Variants in DTNA observed in about 807,000 individuals in gnomAD.
DTNA encodes the protein dystrophin-related protein 3.
In DTNA, 43 loss-of-function variants were observed where a neutral mutation model predicts 100.7. That is an observed-to-expected ratio of 0.43 (90% CI 0.33 to 0.55). DTNA has a LOEUF of 0.55. Among genes scored for constraint, DTNA ranks in the 20% least tolerant of loss-of-function variants. The pLI, the probability that DTNA is intolerant of heterozygous loss-of-function variation, is 0.04. For synonymous variants in DTNA, 349 were observed against 347.9 expected (o/e 1.00, Z -0.04); for missense variants, 798 against 953.9 (o/e 0.84, Z 2.15).
In DTNA at chr18:34,719,066, G is replaced by A. The variant is rs28744682; in HGVS notation, c.-2+8621G>A. 6.1e-3 allele frequency among the ~76,000 whole-genome samples: 925 copies of A among 152,108 alleles called. 11 individuals are homozygous for A. The highest frequency in any genetic ancestry group is 0.021 in the African/African-American group (878 of 41,494). Reference sequence around the variant, plus strand: ...GTAGTGGTGGGATGCAGTGGCTCACGTCTGTAATCCCAGTACTTTGGGAGG... The same window carrying A: ...GTAGTGGTGGGATGCAGTGGCTCACATCTGTAATCCCAGTACTTTGGGAGG... On this transcript the variant is annotated intron_variant, in intron 1 of 22. Coordinates refer to ENST00000444659, the MANE Select transcript of DTNA (RefSeq NM_001386795.1).
At chr18:34,546,308 T>G (rs1053896431) in intron 1 of DTNA, among the ~76,000 whole-genome samples, 1 of 152,100 alleles carries the variant, frequency 6.6e-6, no homozygotes, top group Non-Finnish European at 1.5e-5. Context: ...CTGAACACCT[T>G]ATGTTCATTC....
chr18:34,534,638 C>T lies in DTNA; in HGVS notation c.-2+41124C>T, dbSNP rs909589298. On this transcript the variant is annotated intron_variant, in intron 1 of 19. Transcript: ENST00000283365. ...TGGTATTTGTCCTAATGCTCTCCCTCCTCTTCCCTCCAACCCCCCTACAGG... is the reference window on the plus strand; with the variant it reads ...TGGTATTTGTCCTAATGCTCTCCCTTCTCTTCCCTCCAACCCCCCTACAGG... Among the ~76,000 whole-genome samples, 7 of 152,104 alleles carry T rather than the reference C, an allele frequency of 4.6e-5. No individual in the cohort carries two copies. The East Asian group carries it at 9.7e-4, about 21-fold the overall frequency.
At position 34,647,324 on chromosome 18, in the gene DTNA, G is replaced by A. The variant is rs569498850; in HGVS notation, c.-1-108652G>A. Reference sequence around the variant, plus strand: ...GCTTTCCTCTATGTGATGATTCACAGAACCAGGCCCATTTCATCTCAAAGC... The same window carrying A: ...GCTTTCCTCTATGTGATGATTCACAAAACCAGGCCCATTTCATCTCAAAGC... On this transcript the variant is annotated intron_variant, in intron 1 of 19. Coordinates refer to the DTNA transcript ENST00000283365. Among the ~76,000 whole-genome samples the A allele has an allele frequency of 3.9e-5, 6 of 152,256 alleles. No individual in the cohort carries two copies. In the East Asian group the frequency reaches 1.2e-3, roughly 29 times the overall value.
At chr18:34,866,875 CTTT>C in intron 17 of DTNA, 1 of 895,026 alleles carries the variant, frequency 1.1e-6, no homozygotes, top group Non-Finnish European at 1.4e-6. Context: ...TCATTACATA[CTTT>C]TTTTTTTTTC....
chr18:34,782,410 T>C (rs1370118318), intron 3 of DTNA, among the ~76,000 whole-genome samples: 1 of 152,174 alleles, frequency 6.6e-6, no homozygotes, highest in Non-Finnish European at 1.5e-5. Context: ...TAATTCCAAT[T>C]ATGGAATGAT....
At chr18:34,537,528 A>T (rs903236451) in intron 1 of DTNA, among the ~76,000 whole-genome samples, 4 of 152,016 alleles carry the variant, frequency 2.6e-5, no homozygotes, top group Admixed American at 1.3e-4. Context: ...GCAAAAAAAA[A>T]AGCACATTTA....
At chr18:34,529,126 G>A (rs2042913569) in intron 1 of DTNA, among the ~76,000 whole-genome samples, 1 of 152,086 alleles carries the variant, frequency 6.6e-6, no homozygotes, top group Admixed American at 6.6e-5. Flanking sequence ...AAGGATATAA[G>A]AGACATTAAA....
intron 1 of DTNA, among the ~76,000 whole-genome samples, chr18:34,751,978 G>T (rs2092358518): frequency 6.6e-6 from 1 of 152,188 alleles, no homozygotes; most frequent in Non-Finnish European, 1.5e-5. Context: ...CATATGTCCT[G>T]TATAATTTGT....
intron 20 of DTNA, among the ~76,000 whole-genome samples, chr18:34,881,012 CT>C (rs2096866581): frequency 6.6e-6 from 1 of 152,190 alleles, no homozygotes; most frequent in African/African-American, 2.4e-5. Flanking sequence ...CCACCCTAAT[CT>C]GCTAGCCCTG....
intron 1 of DTNA, among the ~76,000 whole-genome samples, chr18:34,594,490 C>T (rs375294802): frequency 1.9e-4 from 29 of 152,260 alleles, no homozygotes; most frequent in Middle Eastern, 6.8e-3. Context: ...AATCTGCTGA[C>T]GCTGTTATTA....
At chr18:34,758,079 C>T (rs536951451) in intron 2 of DTNA, among the ~76,000 whole-genome samples, 1 of 152,180 alleles carries the variant, frequency 6.6e-6, no homozygotes, top group East Asian at 1.9e-4. Context: ...GACTGTCATA[C>T]AAAAGAGAAA....
chr18:34,516,714 G>A (rs114132775), intron 1 of DTNA, among the ~76,000 whole-genome samples: 4 of 152,092 alleles, frequency 2.6e-5, no homozygotes, highest in African/African-American at 4.8e-5. Context: ...TGTTCTGTTC[G>A]GCCCCTTAGG....
intron 1 of DTNA, among the ~76,000 whole-genome samples, chr18:34,722,734 C>G (rs1450986114): frequency 6.6e-6 from 1 of 152,012 alleles, no homozygotes; most frequent in Non-Finnish European, 1.5e-5. Flanking sequence ...CTCCCCCATC[C>G]CAAGCAACCA....
rs907334048 is a variant in DTNA, at chr18:34,790,603, G to A, written c.149-3434G>A. On this transcript the variant is annotated intron_variant, in intron 3 of 22. Coordinates refer to ENST00000444659, the MANE Select transcript of DTNA (RefSeq NM_001386795.1). ...TTTTTTTTTTTTGAGACGGAGTCTC[G>A]CTCTGTTGCCCAGGTTGGAGTGCAG... 8.8e-5 allele frequency among the ~76,000 whole-genome samples: 10 copies of A among 113,374 alleles called. No individual in the cohort carries two copies. The East Asian group carries it at 1.3e-3, about 15-fold the overall frequency. The allele number at this position is 113,374 out of a possible 152,430, so 74.4% of individuals were successfully genotyped here.
chr18:34,583,092 A>C (rs2048791123), intron 1 of DTNA, among the ~76,000 whole-genome samples: 1 of 152,240 alleles, frequency 6.6e-6, no homozygotes, highest in Admixed American at 6.5e-5. Context: ...TTGCCTAGGA[A>C]GGAATTATTT....
intron 1 of DTNA, among the ~76,000 whole-genome samples, chr18:34,685,558 A>C (rs1481075475): frequency 6.6e-6 from 1 of 151,986 alleles, no homozygotes; most frequent in African/African-American, 2.4e-5. Context: ...AGTATAGTTT[A>C]AGTTAGGTAC....
At chr18:34,886,687 A>G (rs2096924870) in intron 22 of DTNA, among the ~76,000 whole-genome samples, 1 of 152,240 alleles carries the variant, frequency 6.6e-6, no homozygotes, top group Non-Finnish European at 1.5e-5. Context: ...TTGGCAGTGA[A>G]AAATTAGACT....
At chr18:34,683,093 A>G (rs16965765) in intron 1 of DTNA, among the ~76,000 whole-genome samples, 9,286 of 152,212 alleles carry the variant, frequency 0.061, 926 homozygotes, top group African/African-American at 0.21. Flanking sequence ...TCTCATTCCA[A>G]CATTCACATT....
chr18:34,654,585 G>C (rs1287075109), intron 1 of DTNA, among the ~76,000 whole-genome samples: 1 of 152,046 alleles, frequency 6.6e-6, no homozygotes, highest in East Asian at 1.9e-4. Flanking sequence ...AATCTCTTGG[G>C]AACATTCTAA....
Sources: allele counts gnomAD v4.1 joint callset (sites outside exome capture counted in the v4.1 genomes callset), GRCh38; gene constraint gnomAD v4.1.1; transcripts MANE v1.5; gene names NCBI Gene and HGNC (gene_info 2026-07-23, HGNC 2026-07-21).